DLEC1: variants seen among roughly 807,000 people sequenced by gnomAD.
DLEC1 encodes the protein deleted in lung and esophageal cancer protein 1.
Under a neutral mutation model 198.1 loss-of-function variants are expected in DLEC1, and 146 were observed. The ratio of observed to expected loss-of-function variants is 0.74; its 90% CI spans 0.64 to 0.85. The LOEUF (loss-of-function observed/expected upper bound fraction) is 0.85. Among genes scored for constraint, DLEC1 ranks in the 40% least tolerant of loss-of-function variants. The pLI, the probability that DLEC1 is intolerant of heterozygous loss-of-function variation, is 0.00. For missense variants in DLEC1, 2,233 were observed against 2,220.0 expected (o/e 1.01, Z -0.12); for synonymous variants, 897 against 866.8 (o/e 1.03, Z -0.61).
At chr3:38,117,377 C>G in intron 31 of DLEC1, 75 bp downstream of exon 31, 1 of 1,600,566 alleles carries the variant, frequency 6.2e-7, no homozygotes. Context: ...TGGAGCCAGG[C>G]AGGGTTCTCA....
intron 12 of DLEC1, among the ~76,000 whole-genome samples, chr3:38,094,520 A>C (rs1353821458): frequency 1.3e-5 from 2 of 152,202 alleles, no homozygotes; most frequent in African/African-American, 4.8e-5. Flanking sequence ...GTGGTGAGAG[A>C]CACTGCAGAA....
intron 6 of DLEC1, among the ~76,000 whole-genome samples, chr3:38,080,044 G>A (rs1575159816): frequency 6.6e-6 from 1 of 152,154 alleles, no homozygotes; most frequent in East Asian, 1.9e-4. Context: ...AGCGTCTCAG[G>A]GTTGCTGCTG....
intron 19 of DLEC1, among the ~76,000 whole-genome samples, chr3:38,107,243 G>A (rs937006386): frequency 8.5e-5 from 13 of 152,098 alleles, no homozygotes; most frequent in African/African-American, 2.9e-4. Flanking sequence ...TCTGAAATAC[G>A]CCCAGAGGAA....
chr3:38,111,624 C>T, intron 23 of DLEC1, 53 bp from the exon 24 acceptor site: 1 of 1,589,228 alleles, frequency 6.3e-7, no homozygotes, highest in Non-Finnish European at 8.6e-7. Context: ...TGGCTCAGGT[C>T]TTGGGACAGG....
chr3:38,090,071 C>A (rs1236909604), intron 10 of DLEC1, among the ~76,000 whole-genome samples: 1 of 151,986 alleles, frequency 6.6e-6, no homozygotes, highest in Non-Finnish European at 1.5e-5. Context: ...TGGCTCACAC[C>A]TATAATCTCA....
Position 38,109,432 on chromosome 3 carries a change from G to T in DLEC1, c.3130G>T (p.Glu1044Ter). The stretch of plus-strand genomic sequence containing the variant: ...GACCCCTGGATGGGCTTTCTTATAG[G>T]AAGAGCTGACCCATCTGGCCCTCCC... ...LKLELTAHTQ[E>*]ELTHLALPCH... Residue 1044 changes from glutamate to a stop codon, truncating the protein, a stop_gained and splice_region_variant, in exon 22 of 37, where the codon GAA (glutamate) becomes TAA (stop). Coordinates refer to ENST00000308059, the MANE Select transcript of DLEC1 (RefSeq NM_007335.4). LOFTEE classifies it high-confidence loss of function. The T allele has an allele frequency of 6.2e-7, 1 of 1,614,148 alleles. No individual in the cohort carries two copies. Among genetic ancestry groups the T allele is most frequent in the South Asian group, 1.1e-5 (1 of 91,088 alleles).
At chr3:38,087,523 A>G in intron 9 of DLEC1, among the ~76,000 whole-genome samples, 1 of 144,156 alleles carries the variant, frequency 6.9e-6, no homozygotes, top group Admixed American at 6.8e-5. Flanking sequence ...GACACCATCC[A>G]TCAGCACTGA....
intron 1 of DLEC1, among the ~76,000 whole-genome samples, chr3:38,044,175 A>G (rs1466918688): frequency 6.6e-6 from 1 of 151,672 alleles, no homozygotes; most frequent in Admixed American, 6.6e-5. Context: ...GACCCCAGGA[A>G]TAGCAGGCAG....
chr3:38,067,587 T>C (rs1227643197), intron 6 of DLEC1, among the ~76,000 whole-genome samples: 1 of 152,148 alleles, frequency 6.6e-6, no homozygotes, highest in Non-Finnish European at 1.5e-5. Context: ...AGGGGTGACA[T>C]AAAAGTTGGG....
Position 38,096,757 on chromosome 3 carries a change from C to G in DLEC1, c.2340+20C>G, listed in dbSNP as rs1339617545. 6.3e-7 allele frequency: 1 copy of G among 1,586,422 alleles called. No individual in the cohort carries two copies. The highest frequency in any genetic ancestry group is 1.8e-5 in the Admixed American group (1 of 56,880). On this transcript the variant is annotated intron_variant, in intron 15 of 36. Coordinates refer to ENST00000308059, the MANE Select transcript of DLEC1 (RefSeq NM_007335.4). ...TTTAAGGTAGGTCATTGTCTCTCCC[C>G]TGCCTAGGCTGGCCGAGGCAGTGTT... is the stretch of plus-strand genomic sequence containing the variant.
At position 38,062,315 on chromosome 3, in the gene DLEC1, C is replaced by T. The variant is rs966443323; in HGVS notation, c.820C>T (p.Leu274=). 6 of 1,614,092 alleles carry T rather than the reference C, an allele frequency of 3.7e-6. No individual in the cohort carries two copies. The African/African-American group carries it at 5.3e-5, about 14-fold the overall frequency. Residue 274 remains leucine, a synonymous_variant, in exon 4 of 37, where the codon CTG becomes TTG. Coordinates refer to ENST00000308059, the MANE Select transcript of DLEC1 (RefSeq NM_007335.4). ...TGAGTTAGACCACACTGTGGACAGC[C>T]TGACATGGAATTTAACTCCTAAGGC... The part of the protein sequence containing the change: ...EDELDHTVDS[L]TWNLTPKAKE...
At chr3:38,110,458 C>G (rs1699806679) in intron 23 of DLEC1, among the ~76,000 whole-genome samples, 177 bp downstream of exon 23, 1 of 152,146 alleles carries the variant, frequency 6.6e-6, no homozygotes, top group South Asian at 2.1e-4. Context: ...GTCCACCTCC[C>G]GGGCCCTGAG....
At chr3:38,064,842 C>G (rs1439635927) in intron 6 of DLEC1, among the ~76,000 whole-genome samples, 1 of 149,782 alleles carries the variant, frequency 6.7e-6, no homozygotes, top group African/African-American at 2.5e-5. Flanking sequence ...AGAGGCGCTC[C>G]TCACTTCCCA....
At chr3:38,118,110 C>G (rs1700281473) in intron 33 of DLEC1, 86 bp downstream of exon 33, 3 of 1,448,708 alleles carry the variant, frequency 2.1e-6, no homozygotes, top group African/African-American at 1.4e-5. Flanking sequence ...CCCTCAGGTG[C>G]TTGTACCCAG....
chr3:38,047,838 T>C (rs1386729560), intron 2 of DLEC1, among the ~76,000 whole-genome samples: 4 of 152,232 alleles, frequency 2.6e-5, no homozygotes, highest in Non-Finnish European at 5.9e-5. Flanking sequence ...ATGGTAATAA[T>C]AATTCTATCT....
chr3:38,112,512 G>C lies in DLEC1; in HGVS notation c.3666+151G>C, dbSNP rs1469341888. On this transcript the variant is annotated intron_variant, in intron 25 of 36. Coordinates refer to ENST00000308059, the MANE Select transcript of DLEC1 (RefSeq NM_007335.4). The surrounding 1 kb of genome is among the most constrained non-coding windows in gnomAD (Gnocchi z 4.8). ...CCCACCGAGCTTGGGATGGGCATTC[G>C]TGTCTGAGGCAGCCTCTGGGGTTCT... is the stretch of plus-strand genomic sequence containing the variant. The C allele has an allele frequency of 8.4e-7, 1 of 1,188,902 alleles. No individual in the cohort carries two copies. The highest frequency in any genetic ancestry group is 1.2e-6 in the Non-Finnish European group (1 of 848,546). 73.6% of individuals were successfully genotyped at this position (1,188,902 alleles called of 1,614,324 possible).
At chr3:38,054,850 G>C (rs975410033) in intron 2 of DLEC1, among the ~76,000 whole-genome samples, 1 of 152,170 alleles carries the variant, frequency 6.6e-6, no homozygotes, top group East Asian at 1.9e-4. Context: ...GCCACCACGA[G>C]TAAGTCAGCA....
At chr3:38,077,725 G>A (rs1177100389) in intron 6 of DLEC1, among the ~76,000 whole-genome samples, 2 of 152,182 alleles carry the variant, frequency 1.3e-5, no homozygotes, top group Non-Finnish European at 1.5e-5. Flanking sequence ...TCTAGTGAAA[G>A]TGTCTACTTA....
intron 34 of DLEC1, 77 bp from the exon 35 acceptor site, chr3:38,121,551 C>G: frequency 6.5e-7 from 1 of 1,530,186 alleles, no homozygotes; most frequent in Non-Finnish European, 8.8e-7. Context: ...CACTTGGGGT[C>G]AGCAGGGTTC....
Sources: gnomAD v4.1 joint callset for allele counts (sites outside exome capture counted in the v4.1 genomes callset) on GRCh38, gnomAD v4.1.1 for gene constraint, Gnocchi (gnomAD v3.1) non-coding constraint, MANE v1.5 for transcripts, NCBI Gene and HGNC (gene_info 2026-07-23, HGNC 2026-07-21) for gene names.